Variants in SYT1 observed in about 807,000 individuals in gnomAD.
SYT1 encodes synaptotagmin-1.
A neutral mutation model predicts 44.8 loss-of-function variants in SYT1; 8 were observed. That is an observed-to-expected ratio of 0.18 (90% confidence interval 0.10 to 0.32). The LOEUF (loss-of-function observed/expected upper bound fraction) is 0.32. SYT1 is among the 10% of genes least tolerant of loss of function. The probability of loss-of-function intolerance (pLI) is 1.00; values close to 1 mark genes in which losing one functional copy is unlikely to be tolerated. For missense variants in SYT1, 286 were observed against 509.3 expected, an observed-to-expected ratio of 0.56 and a Z score of 4.22; for synonymous variants, 154 against 188.8, an observed-to-expected ratio of 0.82 and a Z score of 1.51.
At chr12:79,098,705 C>T (rs73355511) in intron 3 of SYT1, among the ~76,000 whole-genome samples, 5,170 of 152,184 alleles carry the variant, frequency 0.034, 174 homozygotes, top group South Asian at 0.11. Flanking sequence ...ACATGTTGTA[C>T]CCTGCTGTGG....
intron 9 of SYT1, among the ~76,000 whole-genome samples, chr12:79,412,631 T>A (rs1268514900): frequency 1.3e-5 from 2 of 152,194 alleles, no homozygotes; most frequent in Non-Finnish European, 2.9e-5. Flanking sequence ...CTATTGTTAA[T>A]CATTTTGAGT....
chr12:79,064,671 T>G (rs1471166325), intron 3 of SYT1, among the ~76,000 whole-genome samples: 1 of 151,976 alleles, frequency 6.6e-6, no homozygotes, highest in Non-Finnish European at 1.5e-5. Context: ...AAGATATTCC[T>G]GAATAAAGTA....
At chr12:79,065,904 G>C (rs1295280644) in intron 3 of SYT1, among the ~76,000 whole-genome samples, 4 of 151,902 alleles carry the variant, frequency 2.6e-5, no homozygotes, top group African/African-American at 9.7e-5. Flanking sequence ...ATTACGGGGG[G>C]GAAGGGAAGA....
intron 5 of SYT1, 177 bp from the exon 6 acceptor site, chr12:79,291,831 G>A (rs548184004): frequency 1.2e-5 from 10 of 820,350 alleles, no homozygotes; most frequent in South Asian, 1.4e-5. Context: ...GAAATTCCGT[G>A]CACAAAAGGA....
chr12:79,408,672 A>G (rs2136128812), intron 9 of SYT1, among the ~76,000 whole-genome samples: 1 of 151,802 alleles, frequency 6.6e-6, no homozygotes, highest in African/African-American at 2.4e-5. Flanking sequence ...CATTTCTTTG[A>G]ATTTGTCCTG....
chr12:79,402,958 C>A (rs1885121787), intron 9 of SYT1, among the ~76,000 whole-genome samples: 1 of 152,124 alleles, frequency 6.6e-6, no homozygotes, highest in Non-Finnish European at 1.5e-5. Flanking sequence ...AAACCTATTG[C>A]AAAAGCAATT....
At chr12:79,399,774 G>A (rs747285976) in intron 9 of SYT1, among the ~76,000 whole-genome samples, 11 of 152,144 alleles carry the variant, frequency 7.2e-5, no homozygotes, top group Non-Finnish European at 1.6e-4. Flanking sequence ...ATGTCTGGGT[G>A]GTGCCCAAGA....
At chr12:79,333,551 G>T (rs1881953483) in intron 8 of SYT1, among the ~76,000 whole-genome samples, 1 of 152,042 alleles carries the variant, frequency 6.6e-6, no homozygotes, top group Admixed American at 6.6e-5. Context: ...TTTTTACAAG[G>T]TTCACTCATA....
chr12:78,948,994 TATTAC>T (rs1050433259), intron 1 of SYT1, among the ~76,000 whole-genome samples: 8 of 133,090 alleles, frequency 6.0e-5, no homozygotes, highest in Non-Finnish European at 9.9e-5. Flanking sequence ...TATTATATTA[TATTAC>T]ATTATCAACT....
intron 2 of SYT1, among the ~76,000 whole-genome samples, chr12:78,979,650 A>C (rs1449356839): frequency 6.6e-6 from 1 of 152,120 alleles, no homozygotes; most frequent in Admixed American, 6.5e-5. Context: ...ACTTGGCTGC[A>C]AAAAGCATTC....
intron 3 of SYT1, among the ~76,000 whole-genome samples, chr12:79,074,537 C>G (rs767306306): frequency 7.9e-5 from 12 of 152,128 alleles, no homozygotes; most frequent in Non-Finnish European, 1.6e-4. Context: ...ATTTCTAGCC[C>G]AGTTGCTGAT....
chr12:79,401,444 T>C (rs1403516873), intron 9 of SYT1, among the ~76,000 whole-genome samples: 1 of 152,184 alleles, frequency 6.6e-6, no homozygotes, highest in East Asian at 1.9e-4. Context: ...TTTCACTTCG[T>C]ATTCATGAAG....
At chr12:79,028,063 A>C (rs1344175726) in intron 2 of SYT1, among the ~76,000 whole-genome samples, 2 of 151,576 alleles carry the variant, frequency 1.3e-5, no homozygotes, top group African/African-American at 4.8e-5. Context: ...CAAATCCATA[A>C]GATGAGATTA....
chr12:79,444,125 A>G lies in SYT1; in HGVS notation c.981A>G (p.Lys327=). The change falls in exon 10 of 11, where the codon AAA becomes AAG. Residue 327 remains lysine (K), a synonymous_variant. Coordinates refer to ENST00000261205, the MANE Select transcript of SYT1 (RefSeq NM_005639.3). ...LMQNGKRLKK[K]KTTIKKNTLN... is the part of the protein sequence containing the mutation. Reference sequence around the variant, plus strand: ...AGAATGGTAAGAGGCTGAAGAAGAAAAAGACAACAATTAAAAAGAACACAC... The same window carrying G: ...AGAATGGTAAGAGGCTGAAGAAGAAGAAGACAACAATTAAAAAGAACACAC... The G allele has an allele frequency of 6.2e-7, 1 of 1,613,746 alleles. No homozygotes were observed. The highest frequency in any genetic ancestry group is 1.1e-5 in the South Asian group (1 of 91,074).
chr12:78,989,602 T>C (rs12299816), intron 2 of SYT1, among the ~76,000 whole-genome samples: 31,416 of 151,956 alleles, frequency 0.21, 3,842 homozygotes, highest in African/African-American at 0.35. Context: ...TTAGCTCTCT[T>C]ATCTGATTGG....
At chr12:79,156,759 A>C (rs1011025957) in intron 3 of SYT1, among the ~76,000 whole-genome samples, 8 of 152,092 alleles carry the variant, frequency 5.3e-5, no homozygotes, top group Admixed American at 2.6e-4. Flanking sequence ...GAGCCACCGC[A>C]CCTGGCCTGT....
chr12:79,000,711 C>G (rs867008297), intron 2 of SYT1, among the ~76,000 whole-genome samples: 1 of 152,058 alleles, frequency 6.6e-6, no homozygotes, highest in South Asian at 2.1e-4. Context: ...CCTAATGGTG[C>G]CTTAGTCATT....
chr12:78,890,303 A>G (rs777145403), intron 1 of SYT1, among the ~76,000 whole-genome samples: 107 of 152,006 alleles, frequency 7.0e-4, no homozygotes, highest in Non-Finnish European at 1.4e-3. Flanking sequence ...AGTGGGAGGG[A>G]AAGAACCTTA....
At chr12:79,407,170 G>A (rs1374026878) in intron 9 of SYT1, among the ~76,000 whole-genome samples, 1 of 151,930 alleles carries the variant, frequency 6.6e-6, no homozygotes, top group East Asian at 1.9e-4. Context: ...TCTTTTCTCT[G>A]GGTTTATCAC....
Sources: allele counts gnomAD v4.1 joint callset (sites outside exome capture counted in the v4.1 genomes callset), GRCh38; gene constraint gnomAD v4.1.1; transcripts MANE v1.5; gene names NCBI Gene and HGNC (gene_info 2026-07-23, HGNC 2026-07-21).